Variants in AURKA observed in about 807,000 individuals in gnomAD.
The protein encoded by AURKA is aurora kinase A.
AURKA carries 12 observed loss-of-function variants against 40.9 expected under a neutral mutation model. The observed-to-expected ratio is 0.29, with a 90% CI of 0.19 to 0.48. The LOEUF is 0.48. Among genes scored for constraint, AURKA ranks in the 20% least tolerant of loss-of-function variants. The pLI is 0.99. For missense variants in AURKA, 322 were observed against 462.1 expected (o/e 0.70, Z 2.78); for synonymous variants, 170 against 164.3 (o/e 1.03, Z -0.26).
At chr20:56,386,888 C>A (rs1269782013) in intron 2 of AURKA, among the ~76,000 whole-genome samples, 1 of 152,036 alleles carries the variant, frequency 6.6e-6, no homozygotes, top group Non-Finnish European at 1.5e-5. Context: ...GCCAAAATCT[C>A]AGTTCCATTG....
At chr20:56,391,593 C>T (rs1378480839) in intron 1 of AURKA, among the ~76,000 whole-genome samples, 1 of 152,162 alleles carries the variant, frequency 6.6e-6, no homozygotes, top group African/African-American at 2.4e-5. Flanking sequence ...CCCGGTACAA[C>T]TGCTCCAAGG....
At chr20:56,384,131 T>G (rs924680003) in intron 4 of AURKA, 139 bp downstream of exon 4, 5 of 617,484 alleles carry the variant, frequency 8.1e-6, no homozygotes, top group African/African-American at 5.6e-5. Flanking sequence ...TTTTTAAGAT[T>G]GGAAATCTGG....
chr20:56,386,479 A>G lies in AURKA; in HGVS notation c.97T>C (p.Cys33Arg). 6.2e-7 allele frequency: 1 copy of G among 1,614,222 alleles called. No individual in the cohort carries two copies. Residue 33 changes from cysteine to arginine, a missense_variant, in exon 3 of 9, where the codon TGT (cysteine) becomes CGT (arginine). Cys to Arg is a radical substitution (Grantham distance 180). Coordinates refer to ENST00000395915, the MANE Select transcript of AURKA (RefSeq NM_198437.3). ...CTATTTACAGGTAATGGATTCTGAC[A>G]AGGAAATTGCTGAGTCACGAGAACA... ...KRVLVTQQFP[C>R]QNPLPVNSGQ...
chr20:56,376,177 C>G (rs1984896252), intron 6 of AURKA, among the ~76,000 whole-genome samples: 1 of 152,042 alleles, frequency 6.6e-6, no homozygotes, highest in Admixed American at 6.5e-5. Flanking sequence ...CCTGAAACAA[C>G]AAACTACAAC....
At chr20:56,380,941 TG>T (rs545872011) in intron 6 of AURKA, among the ~76,000 whole-genome samples, 35 of 152,226 alleles carry the variant, frequency 2.3e-4, no homozygotes, top group Non-Finnish European at 4.1e-4. Context: ...AAATTCAGTG[TG>T]GGGTATATGG....
rs1289758251 is a variant in AURKA at position 56,383,171 on chromosome 20, T to C, written c.380A>G (p.Gln127Arg). The C allele has an allele frequency of 1.2e-6, 2 of 1,614,126 alleles. No homozygotes were observed. Among genetic ancestry groups the C allele is most frequent in the Non-Finnish European group, 1.7e-6 (2 of 1,179,994 alleles). Residue 127 changes from glutamine (Q) to arginine (R), a missense_variant, in exon 5 of 9, where the codon CAG becomes CGG. Transcript: ENST00000395915. ...KQKNEESKKR[Q>R]WALEDFEIGR... ...AATTTCAAAGTCTTCCAAAGCCCAC[T>C]GCCTCCTAGGAGGAATTTGAACACT... is the stretch of plus-strand genomic sequence containing the variant.
At chr20:56,390,368 G>A (rs535516798) in intron 1 of AURKA, among the ~76,000 whole-genome samples, 42 of 150,408 alleles carry the variant, frequency 2.8e-4, no homozygotes, top group Admixed American at 2.5e-3. Context: ...GTGCAATGGC[G>A]CAATCTCGGC....
In AURKA at chr20:56,380,002, C is replaced by A. The variant is rs1406290085; in HGVS notation, c.705+1431G>T. ...AAAAAAAGGAAGTGTAAAAACAAACCAAAAAAAAACCACACACACGCAAGA... is the reference window on the plus strand; with the variant it reads ...AAAAAAAGGAAGTGTAAAAACAAACAAAAAAAAAACCACACACACGCAAGA... On this transcript the variant is annotated intron_variant, in intron 6 of 8. Coordinates refer to ENST00000395915, the MANE Select transcript of AURKA (RefSeq NM_198437.3). 1.6e-4 allele frequency among the ~76,000 whole-genome samples: 23 copies of A among 145,022 alleles called. 1 individual carries two copies. The highest frequency in any genetic ancestry group is 2.9e-4 in the Non-Finnish European group (19 of 65,898).
intron 6 of AURKA, among the ~76,000 whole-genome samples, chr20:56,375,307 CTTTTTTTTTT>C (rs59071872): frequency 5.5e-4 from 73 of 131,860 alleles, no homozygotes; most frequent in Non-Finnish European, 9.0e-4. Flanking sequence ...TTTAATCTTT[CTTTTTTTTTT>C]TTTTTTTTTT....
At chr20:56,386,188 A>G in intron 3 of AURKA, 69 bp downstream of exon 3, 2 of 1,581,280 alleles carry the variant, frequency 1.3e-6, no homozygotes, top group South Asian at 1.1e-5. Flanking sequence ...AAGTGCAAGT[A>G]TATACACTGG....
At chr20:56,370,421 C>T (rs1983990733) in intron 8 of AURKA, 64 bp downstream of exon 8, 2 of 1,613,450 alleles carry the variant, frequency 1.2e-6, no homozygotes, top group Non-Finnish European at 1.7e-6. Context: ...TCTTGGCCTG[C>T]AGTTCAGGCT....
At chr20:56,387,346 G>T (rs1986494792) in intron 2 of AURKA, among the ~76,000 whole-genome samples, 1 of 152,160 alleles carries the variant, frequency 6.6e-6, no homozygotes, top group East Asian at 1.9e-4. Context: ...TAGAAACAGG[G>T]TTTCACCATC....
chr20:56,387,956 A>G (rs1414683510), intron 2 of AURKA, among the ~76,000 whole-genome samples, 200 bp downstream of exon 2: 2 of 152,224 alleles, frequency 1.3e-5, no homozygotes, highest in South Asian at 2.1e-4. Flanking sequence ...GCAGCCGATT[A>G]TAAGACAAAG....
At chr20:56,386,996 TAA>T (rs1986456326) in intron 2 of AURKA, among the ~76,000 whole-genome samples, 1 of 152,208 alleles carries the variant, frequency 6.6e-6, no homozygotes, top group Non-Finnish European at 1.5e-5. Flanking sequence ...TAGAAGAGTC[TAA>T]GTTTTCATAT....
chr20:56,387,056 A>G (rs572942998), intron 2 of AURKA, among the ~76,000 whole-genome samples: 5 of 152,234 alleles, frequency 3.3e-5, no homozygotes, highest in Non-Finnish European at 7.3e-5. Flanking sequence ...TTGATTAACC[A>G]ATGTTTCATT....
intron 1 of AURKA, among the ~76,000 whole-genome samples, chr20:56,389,715 C>A (rs1001503876): frequency 6.6e-6 from 1 of 152,178 alleles, no homozygotes. Context: ...TCTCACCTCC[C>A]CAAATCTAGT....
Position 56,373,679 on chromosome 20 carries a change from A to AG in AURKA, c.706-124dup. On this transcript the variant is annotated intron_variant, in intron 6 of 8. Coordinates refer to ENST00000395915, the MANE Select transcript of AURKA (RefSeq NM_198437.3). The surrounding 1 kb of genome is among the most constrained non-coding windows in gnomAD (Gnocchi z 5.0). ...TGGTTTGCAGGTTTTGGCCAGGCAC[A>AG]GTGGCTCACACCTATAATCCCAACA... 1 of 1,117,176 alleles carries AG rather than the reference A, an allele frequency of 9.0e-7. No individual in the cohort carries two copies. Among genetic ancestry groups the AG allele is most frequent in the South Asian group, 1.4e-5 (1 of 72,894 alleles). 69.2% of individuals were successfully genotyped at this position (1,117,176 alleles called of 1,614,324 possible).
chr20:56,385,713 G>A (rs1018030687), intron 3 of AURKA, among the ~76,000 whole-genome samples: 9 of 151,728 alleles, frequency 5.9e-5, no homozygotes, highest in African/African-American at 1.5e-4. Flanking sequence ...CACCTGCCTC[G>A]GTCTCCCAAA....
intron 6 of AURKA, among the ~76,000 whole-genome samples, chr20:56,377,702 G>A (rs559998378): frequency 6.6e-6 from 1 of 152,060 alleles, no homozygotes; most frequent in African/African-American, 2.4e-5. Flanking sequence ...CAGGAGAATC[G>A]CTTGAACCCA....
Sources: allele counts gnomAD v4.1 joint callset (sites outside exome capture counted in the v4.1 genomes callset), GRCh38; gene constraint gnomAD v4.1.1; non-coding constraint Gnocchi (gnomAD v3.1); transcripts MANE v1.5; gene names NCBI Gene and HGNC (gene_info 2026-07-23, HGNC 2026-07-21).